BIRC6: variants seen among roughly 807,000 people sequenced by gnomAD.
BIRC6 encodes baculoviral IAP repeat containing 6.
In BIRC6, 98 loss-of-function variants were observed where a neutral mutation model predicts 503.3. The observed-to-expected ratio is 0.19, with a 90% CI of 0.17 to 0.23. The LOEUF is 0.23. BIRC6 is among the 10% of genes least tolerant of loss of function. BIRC6 has a pLI of 1.00. For missense variants in BIRC6, 5,360 were observed against 5,806.0 expected (o/e 0.92, Z 2.50); for synonymous variants, 2,240 against 2,078.7 (o/e 1.08, Z -2.11).
At chr2:32,566,935 GT>G (rs1428212856) in intron 65 of BIRC6, among the ~76,000 whole-genome samples, 1 of 152,138 alleles carries the variant, frequency 6.6e-6, no homozygotes, top group African/African-American at 2.4e-5. Context: ...TAGAGAATCA[GT>G]TTTCTGAGAA....
chr2:32,376,613 A>G (rs2036823577), intron 1 of BIRC6, among the ~76,000 whole-genome samples: 1 of 152,164 alleles, frequency 6.6e-6, no homozygotes, highest in Non-Finnish European at 1.5e-5. Flanking sequence ...TTTTGTCTAC[A>G]TGTTTTTTAA....
intron 1 of BIRC6, among the ~76,000 whole-genome samples, chr2:32,359,611 T>G (rs1293490943): frequency 6.6e-6 from 1 of 152,184 alleles, no homozygotes; most frequent in Admixed American, 6.5e-5. Context: ...GTATGTGAAT[T>G]AAAATATGTA....
At chr2:32,423,788 C>T (rs1446254086) in intron 10 of BIRC6, among the ~76,000 whole-genome samples, 1 of 152,034 alleles carries the variant, frequency 6.6e-6, no homozygotes, top group African/African-American at 2.4e-5. Flanking sequence ...TTAAATTACT[C>T]ACCATTCTGA....
At chr2:32,595,342 TAGA>T (rs1573264477) in intron 68 of BIRC6, among the ~76,000 whole-genome samples, 198 bp downstream of exon 68, 1 of 152,192 alleles carries the variant, frequency 6.6e-6, no homozygotes, top group African/African-American at 2.4e-5. Flanking sequence ...GTGACTTCAA[TAGA>T]AGGACTGTAA....
At chr2:32,518,180 T>A in intron 55 of BIRC6, 74 bp from the exon 56 acceptor site, 1 of 1,372,360 alleles carries the variant, frequency 7.3e-7, no homozygotes, top group South Asian at 1.3e-5. Flanking sequence ...ATTTTCTGTT[T>A]CCTTTTTATC....
Position 32,388,853 on chromosome 2 carries a change from C to A in BIRC6, c.749C>A (p.Pro250His). ...ATAAATCAAAATGTTGCTGCCTTAC[C>A]TGTGGCGTCCTCAGTGATGGACAGA... is the stretch of plus-strand genomic sequence containing the variant. ...KKINQNVAAL[P>H]VASSVMDRLS... The change falls in exon 4 of 74, where the codon CCT (proline) becomes CAT (histidine). Residue 250 changes from proline to histidine, a missense_variant. By Grantham distance (77) the Pro-to-His change is moderately conservative. Around this residue, in one of 16 missense-constraint regions of BIRC6, gnomAD observed 134 missense variants for 150.9 expected, o/e 0.89. Coordinates refer to ENST00000421745, the MANE Select transcript of BIRC6 (RefSeq NM_016252.4). The A allele has an allele frequency of 6.2e-7, 1 of 1,613,424 alleles. No homozygotes were observed. The highest frequency in any genetic ancestry group is 8.5e-7 in the Non-Finnish European group (1 of 1,179,680).
intron 67 of BIRC6, 68 bp downstream of exon 67, chr2:32,594,128 C>T (rs991820920): frequency 6.7e-7 from 1 of 1,489,626 alleles, no homozygotes; most frequent in Non-Finnish European, 9.1e-7. Flanking sequence ...TTACTGAAAC[C>T]TGCCTTTGTG....
intron 12 of BIRC6, among the ~76,000 whole-genome samples, chr2:32,431,486 A>G (rs1040384374): frequency 1.3e-5 from 2 of 152,114 alleles, no homozygotes; most frequent in Admixed American, 6.5e-5. Flanking sequence ...ATGAGCCACC[A>G]TGCCTGGCCT....
Position 32,485,647 on chromosome 2 carries a change from G to A in BIRC6, c.7701G>A (p.Leu2567=). 6.2e-7 allele frequency: 1 copy of A among 1,609,434 alleles called. No homozygotes were observed. Among genetic ancestry groups the A allele is most frequent in the South Asian group, 1.1e-5 (1 of 90,804 alleles). ...QTVSVSVSQA[L]DARLEVGLEQ... is the part of the protein sequence containing the mutation. ...TCTTTCAATTGCTTTTTGTAGCCCT[G>A]GATGCTCGCCTAGAAGTTGGACTTG... The change falls in exon 40 of 74, where the codon CTG becomes CTA. Residue 2567 remains leucine, a synonymous_variant. Coordinates refer to ENST00000421745, the MANE Select transcript of BIRC6 (RefSeq NM_016252.4).
intron 15 of BIRC6, 88 bp from the exon 16 acceptor site, chr2:32,439,416 GAGTT>G (rs2148248607): frequency 8.0e-7 from 1 of 1,247,030 alleles, no homozygotes; most frequent in East Asian, 2.4e-5. Context: ...ACTTTTTGTG[GAGTT>G]AGTTGTTGAT....
chr2:32,612,141 T>A (rs1160667312), intron 73 of BIRC6, among the ~76,000 whole-genome samples: 1 of 152,216 alleles, frequency 6.6e-6, no homozygotes, highest in Non-Finnish European at 1.5e-5. Flanking sequence ...TCACTGGAAT[T>A]ATAGGCATGA....
Position 32,470,890 on chromosome 2 carries a change from A to G in BIRC6, c.6482-124A>G, listed in dbSNP as rs898778748. The G allele has an allele frequency of 7.6e-6, 7 of 923,000 alleles. No homozygotes were observed. In the Middle Eastern group the frequency reaches 7.0e-4, roughly 93 times the overall value. 57.2% of individuals were successfully genotyped at this position (923,000 alleles called of 1,614,324 possible). A position where few individuals can be genotyped will look rare whatever the true frequency, so the allele number is the denominator to read the frequency against. ...TTTAGACTTATTACATATAAATATT[A>G]GTGTTAGTAATGATAAGATATGTTT... is the stretch of plus-strand genomic sequence containing the variant. On this transcript the variant is annotated intron_variant, in intron 31 of 73. Transcript: ENST00000421745.
chr2:32,408,961 T>C (rs893265539), intron 9 of BIRC6, among the ~76,000 whole-genome samples: 1 of 152,162 alleles, frequency 6.6e-6, no homozygotes, highest in African/African-American at 2.4e-5. Context: ...TGGAGGCTTA[T>C]AGAGTAGTCA....
At chr2:32,599,485 A>G (rs1352680078) in intron 69 of BIRC6, among the ~76,000 whole-genome samples, 1 of 151,658 alleles carries the variant, frequency 6.6e-6, no homozygotes, top group East Asian at 1.9e-4. Context: ...TAAAAATACA[A>G]AAATTAACCG....
At position 32,415,214 on chromosome 2, in the gene BIRC6, A is replaced by G. The variant is rs2042271570; in HGVS notation, c.1923A>G (p.Lys641=). The change falls in exon 10 of 74, where the codon AAA becomes AAG. Residue 641 remains lysine (K), a synonymous_variant. Coordinates refer to ENST00000421745, the MANE Select transcript of BIRC6 (RefSeq NM_016252.4). The part of the protein sequence containing the change: ...LLYSIKESDE[K]AGKIFSQMNN... Reference sequence around the variant, plus strand: ...ATAGCATCAAGGAATCTGATGAGAAAGCAGGAAAGATCTTTTCACAGATGA... The same window carrying G: ...ATAGCATCAAGGAATCTGATGAGAAGGCAGGAAAGATCTTTTCACAGATGA... 6.2e-7 allele frequency: 1 copy of G among 1,614,038 alleles called. No homozygotes were observed. Among genetic ancestry groups the G allele is most frequent in the Non-Finnish European group, 8.5e-7 (1 of 1,179,876 alleles).
chr2:32,410,393 GA>G (rs1278501578), intron 9 of BIRC6, among the ~76,000 whole-genome samples: 1 of 152,180 alleles, frequency 6.6e-6, no homozygotes, highest in Non-Finnish European at 1.5e-5. Context: ...TTGAATGACA[GA>G]AAAAAGGCTG....
At position 32,441,360 on chromosome 2, in the gene BIRC6, C is replaced by A; in HGVS notation, c.3842C>A (p.Thr1281Lys). 6.3e-7 allele frequency: 1 copy of A among 1,593,168 alleles called. No homozygotes were observed. Among genetic ancestry groups the A allele is most frequent in the Non-Finnish European group, 8.6e-7 (1 of 1,163,818 alleles). ...EKSSNVKNENTSGTRKSENLR... is the reference protein window; with the variant it reads ...EKSSNVKNENKSGTRKSENLR... Reference sequence around the variant, plus strand: ...TCATCTAATGTTAAGAATGAAAATACAAGTGGCACCCGTAAATCTGAAAAC... The same window carrying A: ...TCATCTAATGTTAAGAATGAAAATAAAAGTGGCACCCGTAAATCTGAAAAC... The change falls in exon 17 of 74, where the codon ACA (threonine) becomes AAA (lysine). Residue 1281 changes from threonine to lysine, a missense_variant. By Grantham distance (78) the Thr-to-Lys change is moderately conservative. Around this residue, in one of 16 missense-constraint regions of BIRC6, gnomAD observed 2,299 missense variants for 2,267.2 expected, o/e 1.01. Coordinates refer to ENST00000421745, the MANE Select transcript of BIRC6 (RefSeq NM_016252.4).
chr2:32,571,815 T>A (rs1394178516), intron 65 of BIRC6, among the ~76,000 whole-genome samples: 4 of 152,192 alleles, frequency 2.6e-5, no homozygotes, highest in East Asian at 1.9e-4. Flanking sequence ...TTGAGGTACA[T>A]GTAAGATTGT....
chr2:32,536,255 T>G (rs1381509232), intron 61 of BIRC6, among the ~76,000 whole-genome samples: 1 of 152,182 alleles, frequency 6.6e-6, no homozygotes, highest in East Asian at 1.9e-4. Context: ...ATTCTGTATG[T>G]TGCCTGTTCA....
Sources: allele counts gnomAD v4.1 joint callset (sites outside exome capture counted in the v4.1 genomes callset), GRCh38; gene constraint gnomAD v4.1.1; regional missense constraint gnomAD v4.1.1; transcripts MANE v1.5; gene names NCBI Gene and HGNC (gene_info 2026-07-23, HGNC 2026-07-21).